The following NCOA2 variants were observed in gnomAD, a reference collection of about 807,000 sequenced individuals.
The protein encoded by NCOA2 is nuclear receptor coactivator 2.
Under a neutral mutation model 145.1 loss-of-function variants are expected in NCOA2, and 21 were observed. That is an observed-to-expected ratio of 0.14 (90% CI 0.10 to 0.21). The LOEUF (loss-of-function observed/expected upper bound fraction) is 0.21, where lower values mean the gene tolerates loss of function less well. Among genes scored for constraint, NCOA2 ranks in the 10% least tolerant of loss-of-function variants. The pLI is 1.00. For missense variants in NCOA2, 1,472 were observed against 1,837.6 expected (o/e 0.80, Z 3.64); for synonymous variants, 619 against 637.5 (o/e 0.97, Z 0.44).
chr8:70,146,933 G>A (rs1469611588), intron 12 of NCOA2, among the ~76,000 whole-genome samples: 1 of 151,546 alleles, frequency 6.6e-6, no homozygotes, highest in Non-Finnish European at 1.5e-5. Flanking sequence ...TCAGGTGATC[G>A]ACCTGCCTCA....
At chr8:70,394,016 T>C (rs1447662869) in intron 1 of NCOA2, among the ~76,000 whole-genome samples, 1 of 152,232 alleles carries the variant, frequency 6.6e-6, no homozygotes, top group Non-Finnish European at 1.5e-5. Context: ...CGTTAATTGA[T>C]TGTACAACCC....
Position 70,216,749 on chromosome 8 carries a change from G to T in NCOA2, c.-4C>A, listed in dbSNP as rs746515938. The T allele has an allele frequency of 2.1e-5, 34 of 1,604,468 alleles. No homozygotes were observed. The highest frequency in any genetic ancestry group is 5.0e-5 in the Admixed American group (3 of 59,956). ...TATTTTCTCCCATCCCACTCATCTT[G>T]AACACATATCAGCAACTAAAACAGA... On this transcript the variant is annotated 5_prime_UTR_variant, in exon 3 of 23. It introduces an in-frame stop codon into an upstream open reading frame of the 5' UTR. Coordinates refer to ENST00000452400, the MANE Select transcript of NCOA2 (RefSeq NM_006540.4).
At chr8:70,185,582 G>A (rs1357001860) in intron 4 of NCOA2, among the ~76,000 whole-genome samples, 1 of 152,160 alleles carries the variant, frequency 6.6e-6, no homozygotes, top group Non-Finnish European at 1.5e-5. Context: ...TGGCCAGGGC[G>A]CAAGCTCTCT....
chr8:70,215,389 T>G (rs536096059), intron 3 of NCOA2, among the ~76,000 whole-genome samples: 78 of 152,336 alleles, frequency 5.1e-4, no homozygotes, highest in African/African-American at 1.7e-3. Context: ...TTTCTCCCAC[T>G]GCCTCCCCAG....
At chr8:70,297,482 C>T (rs573016613) in intron 1 of NCOA2, among the ~76,000 whole-genome samples, 24 of 152,080 alleles carry the variant, frequency 1.6e-4, no homozygotes, top group African/African-American at 3.4e-4. Flanking sequence ...TACAGGCATG[C>T]GCCACCACAC....
chr8:70,252,449 T>A (rs1452508391), intron 2 of NCOA2, among the ~76,000 whole-genome samples: 1 of 152,070 alleles, frequency 6.6e-6, no homozygotes, highest in African/African-American at 2.4e-5. Context: ...TTAGAGGGAA[T>A]GGAACTTTCA....
At chr8:70,216,872 G>C (rs1819673608) in intron 2 of NCOA2, 108 bp from the exon 3 acceptor site, 5 of 650,768 alleles carry the variant, frequency 7.7e-6, no homozygotes, top group Non-Finnish European at 1.1e-5. Flanking sequence ...TCAGAAATTT[G>C]AGACCAGTAA....
intron 1 of NCOA2, among the ~76,000 whole-genome samples, chr8:70,356,606 CA>C (rs1185936809): frequency 1.3e-5 from 2 of 152,138 alleles, no homozygotes; most frequent in African/African-American, 4.8e-5. Context: ...AAAAAACAAG[CA>C]GATCACAAAT....
intron 15 of NCOA2, among the ~76,000 whole-genome samples, chr8:70,135,260 C>T (rs1378142946): frequency 1.1e-4 from 16 of 152,168 alleles, no homozygotes; most frequent in African/African-American, 2.4e-5. Flanking sequence ...TAGACTGCCC[C>T]GCTTTCTCCT....
chr8:70,305,549 A>G (rs575460246), intron 1 of NCOA2, among the ~76,000 whole-genome samples: 29 of 152,310 alleles, frequency 1.9e-4, no homozygotes, highest in African/African-American at 6.3e-4. Context: ...TGTCAAACCC[A>G]GGACTGCCCG....
intron 2 of NCOA2, among the ~76,000 whole-genome samples, chr8:70,272,511 AT>A (rs1247001246): frequency 3.3e-5 from 5 of 151,738 alleles, no homozygotes; most frequent in African/African-American, 9.7e-5. Flanking sequence ...TAAGAGGCTA[AT>A]TTTTTTTTCT....
At chr8:70,294,586 T>A (rs1826940028) in intron 2 of NCOA2, among the ~76,000 whole-genome samples, 1 of 152,234 alleles carries the variant, frequency 6.6e-6, no homozygotes, top group South Asian at 2.1e-4. Flanking sequence ...TAATGAAATA[T>A]AAGTGAAATA....
intron 16 of NCOA2, 23 bp downstream of exon 16, chr8:70,131,813 CA>C: frequency 6.4e-7 from 1 of 1,569,174 alleles, no homozygotes; most frequent in East Asian, 2.4e-5. Context: ...GCTTGGCCCC[CA>C]CCTGCTGCCC....
At chr8:70,161,851 CT>C (rs1341504753) in intron 9 of NCOA2, among the ~76,000 whole-genome samples, 1 of 152,148 alleles carries the variant, frequency 6.6e-6, no homozygotes, top group African/African-American at 2.4e-5. Context: ...GACAGTCTCC[CT>C]CCCCAAATTA....
intron 3 of NCOA2, 70 bp from the exon 4 acceptor site, chr8:70,214,145 A>G (rs775377738): frequency 1.4e-5 from 20 of 1,429,224 alleles, no homozygotes; most frequent in Non-Finnish European, 1.9e-5. Context: ...GAACGTGTTA[A>G]ACAAGTTTAA....
At chr8:70,198,084 A>G (rs1182481871) in intron 4 of NCOA2, among the ~76,000 whole-genome samples, 7 of 152,190 alleles carry the variant, frequency 4.6e-5, no homozygotes, top group Admixed American at 4.6e-4. Flanking sequence ...AACAGGTGTG[A>G]GTAATGGCAT....
At chr8:70,331,908 C>A (rs1807141228) in intron 1 of NCOA2, among the ~76,000 whole-genome samples, 1 of 152,106 alleles carries the variant, frequency 6.6e-6, no homozygotes, top group African/African-American at 2.4e-5. Context: ...TGACTTACAT[C>A]ATGACATGAA....
intron 2 of NCOA2, among the ~76,000 whole-genome samples, chr8:70,231,303 A>G (rs1312356655): frequency 6.6e-6 from 1 of 152,222 alleles, no homozygotes; most frequent in Non-Finnish European, 1.5e-5. Flanking sequence ...TAGTAATTGA[A>G]TATCTTTGAA....
chr8:70,194,331 A>G (rs1817028664), intron 4 of NCOA2, among the ~76,000 whole-genome samples: 1 of 152,184 alleles, frequency 6.6e-6, no homozygotes, highest in Non-Finnish European at 1.5e-5. Context: ...TGGCCCTCAG[A>G]TTACATTCCT....
Sources: allele counts gnomAD v4.1 joint callset (sites outside exome capture counted in the v4.1 genomes callset), GRCh38; gene constraint gnomAD v4.1.1; transcripts MANE v1.5; gene names NCBI Gene and HGNC (gene_info 2026-07-23, HGNC 2026-07-21).